FAM114A2: variants seen among roughly 807,000 people sequenced by gnomAD.
FAM114A2 encodes protein FAM114A2.
A neutral mutation model predicts 58.4 loss-of-function variants in FAM114A2; 53 were observed. The ratio of observed to expected loss-of-function variants is 0.91; its 90% CI spans 0.73 to 1.14. The LOEUF (loss-of-function observed/expected upper bound fraction) is 1.14. Ranked by LOEUF, FAM114A2 falls within the 50% of genes most tolerant of loss-of-function variation. FAM114A2 has a pLI of 0.00. For missense variants in FAM114A2, 601 were observed against 581.1 expected (o/e 1.03, Z -0.35); for synonymous variants, 228 against 211.4 (o/e 1.08, Z -0.68).
At chr5:154,026,662 C>T (rs1771796144) in intron 7 of FAM114A2, 140 bp from the exon 8 acceptor site, 1 of 475,186 alleles carries the variant, frequency 2.1e-6, no homozygotes, top group African/African-American at 2.0e-5. Context: ...TCCTTAAGAA[C>T]CTTAACACAA....
chr5:153,994,784 T>A (rs1769448873), intron 13 of FAM114A2, 135 bp downstream of exon 13: 1 of 617,792 alleles, frequency 1.6e-6, no homozygotes. Flanking sequence ...TATACACTAT[T>A]TCTGTCATAT....
chr5:154,014,769 C>T (rs79220805), intron 8 of FAM114A2, among the ~76,000 whole-genome samples: 5,576 of 152,180 alleles, frequency 0.037, 261 homozygotes, highest in African/African-American at 0.1. Flanking sequence ...AGTTGAACTT[C>T]GCAACAATTT....
chr5:154,027,099 G>A, intron 7 of FAM114A2, 77 bp downstream of exon 7: 1 of 1,213,090 alleles, frequency 8.2e-7, no homozygotes, highest in African/African-American at 1.5e-5. Flanking sequence ...TCTTCCAAAT[G>A]TACAAAGAGA....
intron 8 of FAM114A2, 100 bp downstream of exon 8, chr5:154,026,299 C>A: frequency 1.1e-6 from 1 of 939,394 alleles, no homozygotes; most frequent in Non-Finnish European, 1.4e-6. Flanking sequence ...AAAGTAAAAT[C>A]AAGCCAGTGT....
At chr5:153,994,564 T>C (rs376142507) in intron 13 of FAM114A2, 4 of 170,970 alleles carry the variant, frequency 2.3e-5, no homozygotes, top group African/African-American at 7.1e-5. Flanking sequence ...GCATAAACTT[T>C]AGTCCTAAAT....
intron 10 of FAM114A2, 143 bp downstream of exon 10, chr5:154,002,704 T>C (rs535298331): frequency 6.9e-6 from 6 of 875,652 alleles, no homozygotes; most frequent in African/African-American, 3.4e-5. Context: ...TTTAATCTTA[T>C]AGTCTGGATC....
intron 8 of FAM114A2, among the ~76,000 whole-genome samples, chr5:154,015,694 G>T (rs1346634234): frequency 6.6e-6 from 1 of 152,032 alleles, no homozygotes; most frequent in Non-Finnish European, 1.5e-5. Flanking sequence ...ACCAACTCTG[G>T]TAATATGACA....
chr5:154,029,025 GCTAT>G (rs1270064781), intron 5 of FAM114A2, among the ~76,000 whole-genome samples: 3 of 152,024 alleles, frequency 2.0e-5, no homozygotes, highest in African/African-American at 7.2e-5. Context: ...AAAAAAACTA[GCTAT>G]CTATCCTCAT....
At chr5:153,998,847 T>C (rs1229636304) in intron 11 of FAM114A2, among the ~76,000 whole-genome samples, 1 of 151,786 alleles carries the variant, frequency 6.6e-6, no homozygotes, top group Non-Finnish European at 1.5e-5. Context: ...AGCCCAAGAG[T>C]TGTGATGCTG....
chr5:154,001,673 T>A (rs1226490509), intron 11 of FAM114A2, among the ~76,000 whole-genome samples: 1 of 152,176 alleles, frequency 6.6e-6, no homozygotes, highest in African/African-American at 2.4e-5. Flanking sequence ...TCCCTACCTA[T>A]GATTATCTAT....
intron 9 of FAM114A2, among the ~76,000 whole-genome samples, chr5:154,005,799 C>T (rs996395376): frequency 9.9e-5 from 15 of 152,218 alleles, no homozygotes; most frequent in African/African-American, 3.4e-4. Flanking sequence ...TTTACATACA[C>T]AGAATGTGTT....
At chr5:154,034,722 C>T in intron 2 of FAM114A2, 22 bp downstream of exon 2, 2 of 1,551,004 alleles carry the variant, frequency 1.3e-6, no homozygotes, top group Non-Finnish European at 1.8e-6. Flanking sequence ...AGATACCCTA[C>T]TTTTTCTGTG....
chr5:154,029,213 C>T (rs1772012030), intron 5 of FAM114A2, among the ~76,000 whole-genome samples: 1 of 152,068 alleles, frequency 6.6e-6, no homozygotes, highest in Non-Finnish European at 1.5e-5. Context: ...TTAAGAATTC[C>T]TAATCCATAA....
chr5:154,028,122 A>G, intron 6 of FAM114A2, 27 bp downstream of exon 6: 1 of 1,571,912 alleles, frequency 6.4e-7, no homozygotes, highest in East Asian at 2.3e-5. Context: ...CAGAAACAGG[A>G]AGTAAACAGG....
chr5:154,030,766 A>C (rs1338560541), intron 4 of FAM114A2, among the ~76,000 whole-genome samples: 1 of 152,238 alleles, frequency 6.6e-6, no homozygotes, highest in Non-Finnish European at 1.5e-5. Flanking sequence ...TTTTGCTTAA[A>C]TACTGCACTG....
chr5:154,031,892 T>C (rs559735590), intron 4 of FAM114A2, among the ~76,000 whole-genome samples: 50 of 152,368 alleles, frequency 3.3e-4, no homozygotes, highest in Non-Finnish European at 1.5e-5. Flanking sequence ...ACAGTTAAGC[T>C]GAAAGCTAAG....
chr5:154,027,942 C>T (rs1453397228), intron 6 of FAM114A2, among the ~76,000 whole-genome samples: 2 of 152,120 alleles, frequency 1.3e-5, no homozygotes, highest in East Asian at 3.9e-4. Context: ...TGATGGGAGG[C>T]TCCTGCAGAA....
At chr5:154,036,635 A>G (rs1772580004) in intron 1 of FAM114A2, 1 of 152,182 alleles carries the variant, frequency 6.6e-6, no homozygotes, top group South Asian at 2.1e-4. Flanking sequence ...ATGCTGAAAC[A>G]TCCCTGCCAG....
chr5:154,023,343 T>C (rs1475776049), intron 8 of FAM114A2, among the ~76,000 whole-genome samples: 3 of 151,922 alleles, frequency 2.0e-5, no homozygotes, highest in Admixed American at 6.6e-5. Flanking sequence ...AGCAGCACAA[T>C]TCAAAAGTGC....
Sources: allele counts gnomAD v4.1 joint callset (sites outside exome capture counted in the v4.1 genomes callset), GRCh38; gene constraint gnomAD v4.1.1; transcripts MANE v1.5; gene names NCBI Gene and HGNC (gene_info 2026-07-23, HGNC 2026-07-21).